MRPL48: variants seen among roughly 807,000 people sequenced by gnomAD.
MRPL48 encodes large ribosomal subunit protein mL48.
MRPL48 carries 16 observed loss-of-function variants against 32.9 expected under a neutral mutation model. That is an observed-to-expected ratio of 0.49 (90% CI 0.33 to 0.74). The LOEUF (loss-of-function observed/expected upper bound fraction) is 0.74. MRPL48 is among the 30% of genes least tolerant of loss of function. The probability of loss-of-function intolerance (pLI) is 0.02; values close to 1 mark genes in which losing one functional copy is unlikely to be tolerated. For missense variants in MRPL48, 206 were observed against 245.3 expected, an observed-to-expected ratio of 0.84 and a Z score of 1.07; for synonymous variants, 94 against 89.2, an observed-to-expected ratio of 1.05 and a Z score of -0.31.
intron 3 of MRPL48, among the ~76,000 whole-genome samples, chr11:73,820,212 A>G (rs897920189): frequency 1.3e-5 from 2 of 152,148 alleles, no homozygotes; most frequent in African/African-American, 4.8e-5. Context: ...GTTGATTCCG[A>G]CCACTACTCA....
At chr11:73,859,349 T>C (rs1948541979) in intron 5 of MRPL48, among the ~76,000 whole-genome samples, 1 of 151,930 alleles carries the variant, frequency 6.6e-6, no homozygotes, top group African/African-American at 2.4e-5. Flanking sequence ...TGGCGCAATC[T>C]TGGCTCACTG....
At chr11:73,829,718 G>C (rs1947958937) in intron 4 of MRPL48, among the ~76,000 whole-genome samples, 1 of 152,072 alleles carries the variant, frequency 6.6e-6, no homozygotes, top group Non-Finnish European at 1.5e-5. Context: ...TGCTTCCTCT[G>C]TCCTAGGAAA....
intron 3 of MRPL48, among the ~76,000 whole-genome samples, chr11:73,824,937 A>T (rs1350732532): frequency 1.3e-5 from 2 of 152,144 alleles, no homozygotes; most frequent in Non-Finnish European, 2.9e-5. Flanking sequence ...AGAAATATCT[A>T]TGGCTCCTTA....
intron 3 of MRPL48, 120 bp downstream of exon 3, chr11:73,808,470 C>G: frequency 1.0e-6 from 1 of 959,612 alleles, no homozygotes; most frequent in Non-Finnish European, 1.6e-6. Flanking sequence ...AACCAAACCC[C>G]ACCCCTCCAT....
chr11:73,856,237 G>A (rs1451534174), intron 5 of MRPL48, among the ~76,000 whole-genome samples: 1 of 152,158 alleles, frequency 6.6e-6, no homozygotes, highest in Non-Finnish European at 1.5e-5. Flanking sequence ...CATTGATTGA[G>A]GTTTTCAGAC....
chr11:73,857,682 C>T (rs959480250), intron 5 of MRPL48, among the ~76,000 whole-genome samples: 1 of 150,594 alleles, frequency 6.6e-6, no homozygotes, highest in Non-Finnish European at 1.5e-5. Flanking sequence ...GCAACCTCCA[C>T]CTCCCAGGTT....
chr11:73,844,136 A>G (rs753058310), intron 4 of MRPL48, among the ~76,000 whole-genome samples: 14 of 151,928 alleles, frequency 9.2e-5, no homozygotes, highest in Non-Finnish European at 2.1e-4. Flanking sequence ...TGGGTTAGGA[A>G]TATTTTAATC....
chr11:73,798,788 G>C (rs932807152), intron 1 of MRPL48, among the ~76,000 whole-genome samples: 4 of 151,920 alleles, frequency 2.6e-5, no homozygotes, highest in South Asian at 2.1e-4. Flanking sequence ...TCAGGAGTTG[G>C]AGACCAGCCT....
At chr11:73,799,013 GAAAA>G (rs1947310142) in intron 1 of MRPL48, among the ~76,000 whole-genome samples, 1 of 146,768 alleles carries the variant, frequency 6.8e-6, no homozygotes, top group Non-Finnish European at 1.5e-5. Context: ...AAAAAAGAAA[GAAAA>G]GAAAGGAAGG....
At chr11:73,802,968 AT>A (rs1254438518) in intron 1 of MRPL48, among the ~76,000 whole-genome samples, 2 of 152,100 alleles carry the variant, frequency 1.3e-5, no homozygotes, top group Non-Finnish European at 2.9e-5. Flanking sequence ...AAATGCTTGG[AT>A]TGTAGGCATT....
intron 3 of MRPL48, among the ~76,000 whole-genome samples, chr11:73,810,444 T>G (rs975900844): frequency 2.0e-5 from 3 of 152,030 alleles, no homozygotes; most frequent in African/African-American, 7.2e-5. Flanking sequence ...CCGCTTGAAC[T>G]TGGGAGGCGG....
intron 2 of MRPL48, 97 bp from the exon 3 acceptor site, chr11:73,808,216 T>G: frequency 8.4e-7 from 1 of 1,188,336 alleles, no homozygotes; most frequent in Non-Finnish European, 1.2e-6. Flanking sequence ...GGAAACAGCA[T>G]TGATGCATCT....
At chr11:73,796,583 G>C (rs1947257398) in intron 1 of MRPL48, among the ~76,000 whole-genome samples, 1 of 152,260 alleles carries the variant, frequency 6.6e-6, no homozygotes, top group Non-Finnish European at 1.5e-5. Context: ...GTGAGAGGCA[G>C]ACAGCTTCCT....
chr11:73,855,524 G>A (rs1046986576), intron 5 of MRPL48, among the ~76,000 whole-genome samples: 1 of 151,954 alleles, frequency 6.6e-6, no homozygotes, highest in Non-Finnish European at 1.5e-5. Flanking sequence ...GTCTCACTCC[G>A]TTGCCCAGGC....
chr11:73,863,580 T>C (rs1948620956), intron 7 of MRPL48, among the ~76,000 whole-genome samples: 1 of 152,192 alleles, frequency 6.6e-6, no homozygotes, highest in East Asian at 1.9e-4. Context: ...AGATAGTATA[T>C]GGTGTAATAA....
chr11:73,818,420 C>G (rs752846823), intron 3 of MRPL48, among the ~76,000 whole-genome samples: 1 of 152,218 alleles, frequency 6.6e-6, no homozygotes, highest in Non-Finnish European at 1.5e-5. Context: ...GTGGTATTTT[C>G]AGACCCAAGT....
At chr11:73,860,229 C>G (rs1040594621) in intron 6 of MRPL48, 1 of 442,450 alleles carries the variant, frequency 2.3e-6, no homozygotes, top group South Asian at 2.6e-5. Context: ...TACTGATAAC[C>G]CCCAGATGTA....
chr11:73,850,958 G>C (rs968376221), intron 5 of MRPL48: 16 of 313,032 alleles, frequency 5.1e-5, no homozygotes, highest in African/African-American at 2.0e-4. Context: ...TTACAGGCGT[G>C]AGCCACCGCG....
chr11:73,804,775 G>T (rs1181147432), intron 1 of MRPL48, among the ~76,000 whole-genome samples: 2 of 152,146 alleles, frequency 1.3e-5, no homozygotes, highest in East Asian at 1.9e-4. Context: ...AGTTGGAAAT[G>T]GTAAACAGTG....
Sources: allele counts gnomAD v4.1 joint callset (sites outside exome capture counted in the v4.1 genomes callset), GRCh38; gene constraint gnomAD v4.1.1; transcripts MANE v1.5; gene names NCBI Gene and HGNC (gene_info 2026-07-23, HGNC 2026-07-21).